PLD1: variants seen among roughly 807,000 people sequenced by gnomAD.
The protein encoded by PLD1 is phospholipase D1, also known as choline phosphatase 1.
Under a neutral mutation model 137.1 loss-of-function variants are expected in PLD1, and 112 were observed. That is an observed-to-expected ratio of 0.82 (90% confidence interval 0.70 to 0.96). PLD1 has a LOEUF of 0.96. Ranked by LOEUF, PLD1 falls within the 40% of genes least tolerant of loss-of-function variation. The probability of loss-of-function intolerance (pLI) is 0.00; values close to 1 mark genes in which losing one functional copy is unlikely to be tolerated. For missense variants in PLD1, 1,321 were observed against 1,342.0 expected, an observed-to-expected ratio of 0.98 and a Z score of 0.24; for synonymous variants, 431 against 454.7, an observed-to-expected ratio of 0.95 and a Z score of 0.66.
chr3:171,688,692 G>T lies in PLD1; in HGVS notation c.1523C>A (p.Ser508Tyr). Residue 508 changes from serine to tyrosine, a missense_variant, in exon 14 of 27, where the codon TCT (serine) becomes TAT (tyrosine). Physicochemically the swap from Ser to Tyr is moderately radical, Grantham distance 144. Coordinates refer to ENST00000351298, the MANE Select transcript of PLD1 (RefSeq NM_002662.5). ...GSVKRVTSGP[S>Y]LGSLPPAAME... ...TATACTTACTGGGAGGGAACCCAGA[G>T]ACGGTCCTGAAGTGACCCGCTTCAC... is the stretch of plus-strand genomic sequence containing the variant. 1 of 1,613,610 alleles carries T rather than the reference G, an allele frequency of 6.2e-7. No homozygotes were observed. The highest frequency in any genetic ancestry group is 8.5e-7 in the Non-Finnish European group (1 of 1,179,530).
intron 23 of PLD1, among the ~76,000 whole-genome samples, chr3:171,631,050 T>TA (rs1227406052): frequency 2.6e-5 from 4 of 151,488 alleles, no homozygotes; most frequent in East Asian, 1.9e-4. Flanking sequence ...GCTGAATAAT[T>TA]AAAAAAAACT....
intron 9 of PLD1, among the ~76,000 whole-genome samples, chr3:171,710,724 TATC>T (rs1176742331): frequency 6.6e-6 from 1 of 152,098 alleles, no homozygotes; most frequent in East Asian, 1.9e-4. Flanking sequence ...CTTCTGGAAA[TATC>T]ATCCCAATTG....
chr3:171,809,459 G>A (rs1724021650), intron 1 of PLD1: 2 of 152,114 alleles, frequency 1.3e-5, no homozygotes, highest in South Asian at 2.1e-4. Flanking sequence ...GAGGCCTTTG[G>A]AGGCCCACGA....
intron 25 of PLD1, among the ~76,000 whole-genome samples, chr3:171,610,673 T>G (rs1179692877): frequency 1.3e-5 from 2 of 152,234 alleles, no homozygotes; most frequent in Admixed American, 1.3e-4. Flanking sequence ...AGGAAGTATT[T>G]GTCTTTTATG....
chr3:171,639,300 TATATC>T (rs953538138), intron 23 of PLD1, among the ~76,000 whole-genome samples: 8 of 138,546 alleles, frequency 5.8e-5, no homozygotes, highest in Non-Finnish European at 1.2e-4. Flanking sequence ...TATATATAAA[TATATC>T]ATATATTATC....
intron 1 of PLD1, among the ~76,000 whole-genome samples, chr3:171,772,863 C>T (rs1256787405): frequency 6.6e-6 from 1 of 152,116 alleles, no homozygotes; most frequent in East Asian, 1.9e-4. Flanking sequence ...GATTCAAAAC[C>T]ATCTATTTTA....
At chr3:171,611,687 C>A in intron 25 of PLD1, 2 of 506,116 alleles carry the variant, frequency 4.0e-6, no homozygotes, top group Admixed American at 2.1e-5. Context: ...CACTGGCATA[C>A]CCCTTCAATA....
At chr3:171,738,796 A>G (rs942732768) in intron 1 of PLD1, among the ~76,000 whole-genome samples, 4 of 152,212 alleles carry the variant, frequency 2.6e-5, no homozygotes, top group Admixed American at 2.6e-4. Flanking sequence ...ATTTAATAAC[A>G]CAAGTCGTTG....
intron 1 of PLD1, among the ~76,000 whole-genome samples, chr3:171,769,333 A>G (rs1485406293): frequency 6.6e-6 from 1 of 152,248 alleles, no homozygotes; most frequent in Admixed American, 6.5e-5. Context: ...CCCATCAAGC[A>G]CAAACAAGTA....
intron 23 of PLD1, among the ~76,000 whole-genome samples, chr3:171,623,156 C>T (rs1257406607): frequency 3.3e-5 from 5 of 151,706 alleles, no homozygotes; most frequent in East Asian, 1.9e-4. Context: ...TACATGAGAT[C>T]GCATTAATGT....
At chr3:171,650,426 A>G (rs1037463034) in intron 21 of PLD1, among the ~76,000 whole-genome samples, 3 of 152,178 alleles carry the variant, frequency 2.0e-5, no homozygotes, top group Non-Finnish European at 4.4e-5. Flanking sequence ...GACGTCCCCA[A>G]GCTACGTTAA....
intron 1 of PLD1, among the ~76,000 whole-genome samples, chr3:171,785,929 C>T (rs1157632755): frequency 6.6e-6 from 1 of 152,192 alleles, no homozygotes; most frequent in Admixed American, 6.5e-5. Context: ...TTAAATGCAA[C>T]AAGCATGTAA....
chr3:171,806,026 G>A (rs7642100), intron 1 of PLD1, among the ~76,000 whole-genome samples: 124,193 of 152,232 alleles, frequency 0.82, 50,919 homozygotes, highest in Middle Eastern at 0.94. Context: ...ATAAAATACA[G>A]TAAAACAAAC....
At chr3:171,651,738 G>T (rs1736783715) in intron 21 of PLD1, among the ~76,000 whole-genome samples, 1 of 152,096 alleles carries the variant, frequency 6.6e-6, no homozygotes, top group African/African-American at 2.4e-5. Flanking sequence ...ATAGTCTTTG[G>T]CAAGCCTAGC....
intron 23 of PLD1, among the ~76,000 whole-genome samples, chr3:171,632,009 T>C (rs1340014614): frequency 6.6e-6 from 1 of 152,192 alleles, no homozygotes; most frequent in Non-Finnish European, 1.5e-5. Flanking sequence ...TACAAAATAC[T>C]ATTAATTATG....
At chr3:171,731,128 A>G (rs1338913654) in intron 6 of PLD1, among the ~76,000 whole-genome samples, 1 of 152,236 alleles carries the variant, frequency 6.6e-6, no homozygotes, top group African/African-American at 2.4e-5. Context: ...CCCTTGACCT[A>G]TGATCCATGA....
At chr3:171,728,069 G>A (rs1294724384) in intron 6 of PLD1, among the ~76,000 whole-genome samples, 2 of 152,156 alleles carry the variant, frequency 1.3e-5, no homozygotes, top group Non-Finnish European at 2.9e-5. Flanking sequence ...CAGCATTTTG[G>A]AAGGCTGAGG....
At chr3:171,726,132 T>C in intron 6 of PLD1, 56 bp from the exon 7 acceptor site, 1 of 1,137,866 alleles carries the variant, frequency 8.8e-7, no homozygotes, top group Non-Finnish European at 1.3e-6. Context: ...AATTTATGCA[T>C]TAAAAAACAT....
intron 1 of PLD1, among the ~76,000 whole-genome samples, chr3:171,785,628 G>T (rs1245281242): frequency 6.6e-6 from 1 of 152,044 alleles, no homozygotes; most frequent in South Asian, 2.1e-4. Flanking sequence ...TAGTAGAGAC[G>T]GGGTTTCACC....
Sources: gnomAD v4.1 joint callset for allele counts (sites outside exome capture counted in the v4.1 genomes callset) on GRCh38, gnomAD v4.1.1 for gene constraint, MANE v1.5 for transcripts, NCBI Gene and HGNC (gene_info 2026-07-23, HGNC 2026-07-21) for gene names.